The following BBS1 variants were observed in gnomAD, a reference collection of about 807,000 sequenced individuals.
The protein encoded by BBS1 is BBSome complex member BBS1.
Under a neutral mutation model 73.9 loss-of-function variants are expected in BBS1, and 60 were observed. The observed-to-expected ratio is 0.81, with a 90% CI of 0.66 to 1.01. The LOEUF (loss-of-function observed/expected upper bound fraction) is 1.01. Ranked by LOEUF, BBS1 falls within the 50% of genes least tolerant of loss-of-function variation. BBS1 has a pLI of 0.00. For missense variants in BBS1, 718 were observed against 770.3 expected (o/e 0.93, Z 0.80); for synonymous variants, 283 against 317.4 (o/e 0.89, Z 1.15).
chr11:66,526,871 G>C lies in BBS1; in HGVS notation c.1339+64G>C. 13 of 1,613,712 alleles carry C rather than the reference G, an allele frequency of 8.1e-6. 1 individual carries two copies. The South Asian group carries it at 1.4e-4, about 18-fold the overall frequency. ...CACTGCTCCTACACAGCAAAGCTGG[G>C]GGAATGCTGCCCAGCCTCCCTGTGC... On this transcript the variant is annotated intron_variant, in intron 13 of 16. Transcript: ENST00000318312.
intron 15 of BBS1, 85 bp from the exon 16 acceptor site, chr11:66,531,571 T>G: frequency 6.4e-6 from 10 of 1,564,718 alleles, no homozygotes; most frequent in African/African-American, 1.4e-5. Context: ...TGAGGCTCAG[T>G]GGAGACTGCG....
intron 7 of BBS1, 111 bp downstream of exon 7, chr11:66,516,044 C>G (rs762756161): frequency 1.1e-5 from 11 of 1,025,504 alleles, no homozygotes; most frequent in Non-Finnish European, 1.6e-5. Flanking sequence ...TATCTCTTTG[C>G]TATATCCCTT....
At chr11:66,526,458 G>A (rs983709351) in intron 12 of BBS1, among the ~76,000 whole-genome samples, 191 bp from the exon 13 acceptor site, 1 of 152,244 alleles carries the variant, frequency 6.6e-6, no homozygotes, top group African/African-American at 2.4e-5. Flanking sequence ...ACAAATAACT[G>A]CTAAGTGGAT....
At chr11:66,529,978 CAGGGCCAG>C in intron 14 of BBS1, 26 bp downstream of exon 14, 3 of 1,589,910 alleles carry the variant, frequency 1.9e-6, no homozygotes, top group Non-Finnish European at 2.6e-6. Flanking sequence ...AGGGCAGAGT[CAGGGCCAG>C]AGGGGCAGAG....
Position 66,521,269 on chromosome 11 carries a change from G to C in BBS1, c.724-1G>C, listed in dbSNP as rs748523268. ...GGAGTGTTTGCGCTTCTTGTTTGCAGATGAGCCTTCCCAGCGTCCCCGTCT... is the reference window on the plus strand; with the variant it reads ...GGAGTGTTTGCGCTTCTTGTTTGCACATGAGCCTTCCCAGCGTCCCCGTCT... On this transcript the variant is annotated splice_acceptor_variant, in intron 8 of 16. Coordinates refer to ENST00000318312, the MANE Select transcript of BBS1 (RefSeq NM_024649.5). LOFTEE classifies it high-confidence loss of function. 4.2e-5 allele frequency: 68 copies of C among 1,613,636 alleles called. No individual in the cohort carries two copies. Among genetic ancestry groups the C allele is most frequent in the Non-Finnish European group, 5.1e-6 (6 of 1,179,654 alleles).
At chr11:66,519,566 TG>T in intron 7 of BBS1, 50 bp from the exon 8 acceptor site, 1 of 1,612,166 alleles carries the variant, frequency 6.2e-7, no homozygotes, top group Non-Finnish European at 8.5e-7. Flanking sequence ...GGGAGTATCT[TG>T]GGGGTGGTGT....
intron 7 of BBS1, among the ~76,000 whole-genome samples, chr11:66,517,322 CAT>C (rs973126611): frequency 1.8e-4 from 28 of 151,780 alleles, no homozygotes; most frequent in African/African-American, 4.8e-4. Context: ...ACAAAAGAAA[CAT>C]GTGCCCACTG....
Position 66,514,627 on chromosome 11 carries a change from C to A in BBS1, c.381C>A (p.Pro127=). The change falls in exon 4 of 17, where the codon CCC becomes CCA. Residue 127 remains proline, a synonymous_variant. Transcript: ENST00000318312. ...GACCCTACTTCAAGTTCAGCCTGCC[C>A]CAATTGCCTCCAAATCCTCTGGAAC... ...NLRPYFKFSL[P]QLPPNPLEQD... 1 of 1,613,454 alleles carries A rather than the reference C, an allele frequency of 6.2e-7. No homozygotes were observed. Among genetic ancestry groups the A allele is most frequent in the Non-Finnish European group, 8.5e-7 (1 of 1,180,022 alleles).
intron 7 of BBS1, among the ~76,000 whole-genome samples, chr11:66,516,660 C>T (rs994653456): frequency 6.6e-6 from 1 of 152,142 alleles, no homozygotes; most frequent in African/African-American, 2.4e-5. Flanking sequence ...AAGTGATCCT[C>T]CCCCTTCAAC....
chr11:66,526,007 C>T (rs1036150024), intron 11 of BBS1, 116 bp from the exon 12 acceptor site: 1 of 873,162 alleles, frequency 1.1e-6, no homozygotes, highest in Non-Finnish European at 1.9e-6. Context: ...CAGCGATTCC[C>T]CAGGCCTGTC....
intron 3 of BBS1, among the ~76,000 whole-genome samples, chr11:66,512,075 T>TATGTATATATACAC (rs1565280809): frequency 7.0e-6 from 1 of 142,520 alleles, no homozygotes; most frequent in African/African-American, 2.8e-5. Flanking sequence ...TATATATATA[T>TATGTATATATACAC]ACATATATTT....
chr11:66,511,410 G>T (rs1364818580), intron 3 of BBS1, among the ~76,000 whole-genome samples, 171 bp downstream of exon 3: 1 of 152,152 alleles, frequency 6.6e-6, no homozygotes, highest in Non-Finnish European at 1.5e-5. Context: ...AGAACTTATT[G>T]ATTTCATAAT....
In BBS1 at chr11:66,523,627, C is replaced by A. The variant is rs191924860; in HGVS notation, c.951+51C>A. 48 of 1,613,108 alleles carry A rather than the reference C, an allele frequency of 3.0e-5. No individual in the cohort carries two copies. In the East Asian group the frequency reaches 9.8e-4, roughly 33 times the overall value. ...CCTCCACGCCTATGTCCCTAGCCCC[C>A]ACTTGGCAAGAGAGTCCTCTGGCTT... is the stretch of plus-strand genomic sequence containing the variant. On this transcript the variant is annotated intron_variant, in intron 10 of 16. Transcript: ENST00000318312.
chr11:66,519,697 G>A lies in BBS1; in HGVS notation c.672G>A (p.Glu224=). ...DAVSCLVLGT[E]NKELLVLDPE... is the part of the protein sequence containing the mutation. The stretch of plus-strand genomic sequence containing the variant: ...TGTCTTGCCTGGTGCTGGGCACCGA[G>A]AACAAGGAGCTCCTGGTGCTTGACC... The change falls in exon 8 of 17, where the codon GAG becomes GAA. Residue 224 remains glutamate, a synonymous_variant. Coordinates refer to ENST00000318312, the MANE Select transcript of BBS1 (RefSeq NM_024649.5). 1 of 1,613,882 alleles carries A rather than the reference G, an allele frequency of 6.2e-7. No homozygotes were observed. The highest frequency in any genetic ancestry group is 8.5e-7 in the Non-Finnish European group (1 of 1,179,992).
At chr11:66,527,175 C>T in intron 13 of BBS1, 1 of 616,840 alleles carries the variant, frequency 1.6e-6, no homozygotes, top group Non-Finnish European at 2.9e-6. Flanking sequence ...GAGTTCAAGA[C>T]CTACCTGGGT....
intron 12 of BBS1, 58 bp downstream of exon 12, chr11:66,526,250 C>A: frequency 6.6e-7 from 1 of 1,525,006 alleles, no homozygotes; most frequent in Non-Finnish European, 9.1e-7. Context: ...GACAGGCCTG[C>A]TTCTGGGGAA....
rs1223395982 is a variant in BBS1, at chr11:66,511,067, CCA to C, written c.106_107del (p.Thr36LeufsTer62). Reference protein sequence around the residue: ...DAHYDPMANIHTFSACLALAD... With the variant: ...DAHYDPMANIXTFSACLALAD... The stretch of plus-strand genomic sequence containing the variant: ...CGCACTACGACCCAATGGCCAATAT[CCA>C]CACCTTTTCTGCCTGCCTAGGTGAG... On this transcript the variant is annotated frameshift_variant, in exon 2 of 17. Transcript: ENST00000318312. LOFTEE classifies it high-confidence loss of function. 2 of 1,614,184 alleles carry C rather than the reference CCA, an allele frequency of 1.2e-6. No homozygotes were observed. The highest frequency in any genetic ancestry group is 1.7e-6 in the Non-Finnish European group (2 of 1,180,038).
At chr11:66,519,502 T>G in intron 7 of BBS1, 115 bp from the exon 8 acceptor site, 3 of 1,432,860 alleles carry the variant, frequency 2.1e-6, no homozygotes, top group Non-Finnish European at 2.9e-6. Context: ...GTCACATCTC[T>G]GATATTTCCT....
chr11:66,514,811 T>A, intron 4 of BBS1, 133 bp downstream of exon 4: 1 of 1,000,562 alleles, frequency 1.0e-6, no homozygotes, highest in Non-Finnish European at 1.5e-6. Flanking sequence ...ACAGCAGCAG[T>A]GATGGCACTT....
Sources: gnomAD v4.1 joint callset for allele counts (sites outside exome capture counted in the v4.1 genomes callset) on GRCh38, gnomAD v4.1.1 for gene constraint, MANE v1.5 for transcripts, NCBI Gene and HGNC (gene_info 2026-07-23, HGNC 2026-07-21) for gene names.